GRIK2: variants seen among roughly 807,000 people sequenced by gnomAD.
The protein encoded by GRIK2 is glutamate ionotropic receptor kainate type subunit 2.
GRIK2 carries 32 observed loss-of-function variants against 100.3 expected under a neutral mutation model. The observed-to-expected ratio is 0.32, with a 90% CI of 0.24 to 0.43. GRIK2 has a LOEUF of 0.43. GRIK2 is among the 20% of genes least tolerant of loss of function. GRIK2 has a pLI of 1.00. For synonymous variants in GRIK2, 417 were observed against 389.4 expected, an observed-to-expected ratio of 1.07 and a Z score of -0.83; for missense variants, 843 against 1,114.9, an observed-to-expected ratio of 0.76 and a Z score of 3.47.
chr6:101,923,927 A>C (rs1350732539), intron 12 of GRIK2, among the ~76,000 whole-genome samples: 35 of 146,528 alleles, frequency 2.4e-4, no homozygotes, highest in African/African-American at 8.7e-4. Flanking sequence ...TCTGTCTCCA[A>C]AAAAAAAAAA....
chr6:102,055,189 C>T, intron 15 of GRIK2, 141 bp from the exon 16 acceptor site: 3 of 572,872 alleles, frequency 5.2e-6, no homozygotes, highest in South Asian at 2.5e-5. Context: ...TGTGTTTTTT[C>T]CAGTTGTTTT....
At chr6:101,400,090 C>T (rs1430366114) in intron 2 of GRIK2, among the ~76,000 whole-genome samples, 1 of 152,140 alleles carries the variant, frequency 6.6e-6, no homozygotes, top group Non-Finnish European at 1.5e-5. Context: ...GTCCCCCTCT[C>T]ACAGCTTTCT....
At chr6:102,054,455 T>C (rs529106451) in intron 15 of GRIK2, among the ~76,000 whole-genome samples, 1 of 152,092 alleles carries the variant, frequency 6.6e-6, no homozygotes, top group Admixed American at 6.6e-5. Flanking sequence ...TATTTCTGGG[T>C]GGGGGAAAGG....
intron 2 of GRIK2, among the ~76,000 whole-genome samples, chr6:101,414,890 A>G (rs1776048638): frequency 2.6e-5 from 4 of 152,222 alleles, no homozygotes; most frequent in Middle Eastern, 3.4e-3. Flanking sequence ...AGTCTCTGCC[A>G]CAAGCATCTG....
rs373948090 is a variant in GRIK2, at chr6:101,855,209, G to C, written c.1318-4078G>C. On this transcript the variant is annotated intron_variant, in intron 10 of 16. Coordinates refer to ENST00000369134, the MANE Select transcript of GRIK2 (RefSeq NM_021956.5). ...TTTATTCATTTAACACATGTGCCTT[G>C]AGCACCAACGGCTTGCCAGTCATTT... Among the ~76,000 whole-genome samples, 32 of 152,252 alleles carry C rather than the reference G, an allele frequency of 2.1e-4. No homozygotes were observed. The South Asian group carries it at 2.3e-3, about 11-fold the overall frequency.
intron 7 of GRIK2, among the ~76,000 whole-genome samples, chr6:101,734,961 T>C (rs995801389): frequency 6.6e-6 from 1 of 152,010 alleles, no homozygotes; most frequent in African/African-American, 2.4e-5. Flanking sequence ...AGTTTTGAAA[T>C]ATAGTGAGAG....
chr6:101,650,227 G>A (rs1339598221), intron 4 of GRIK2, among the ~76,000 whole-genome samples: 1 of 152,048 alleles, frequency 6.6e-6, no homozygotes, highest in Non-Finnish European at 1.5e-5. Context: ...GGAAACATTG[G>A]AAACCAATTA....
chr6:101,637,546 T>G (rs1241010288), intron 4 of GRIK2, among the ~76,000 whole-genome samples: 3 of 152,152 alleles, frequency 2.0e-5, no homozygotes. Context: ...CCTGTCTTAG[T>G]TAATATCATT....
intron 10 of GRIK2, among the ~76,000 whole-genome samples, chr6:101,855,809 G>A (rs1036016392): frequency 6.6e-5 from 5 of 76,276 alleles, no homozygotes; most frequent in African/African-American, 2.7e-4. Flanking sequence ...ACGACTTTCT[G>A]GGGAGAATGG....
At chr6:101,613,906 G>T (rs1779788227) in intron 2 of GRIK2, among the ~76,000 whole-genome samples, 1 of 151,746 alleles carries the variant, frequency 6.6e-6, no homozygotes, top group Admixed American at 6.6e-5. Context: ...TCATGTTTAA[G>T]TTGGGATTAA....
intron 7 of GRIK2, among the ~76,000 whole-genome samples, chr6:101,786,059 T>A (rs534039196): frequency 9.9e-5 from 15 of 152,224 alleles, no homozygotes; most frequent in African/African-American, 3.6e-4. Flanking sequence ...TCCTAAGGTT[T>A]TTTACTTTTT....
chr6:102,065,848 T>A (rs1348364905), intron 16 of GRIK2: 1 of 1,493,252 alleles, frequency 6.7e-7, no homozygotes, highest in Middle Eastern at 1.7e-4. Context: ...TATTTTGGAG[T>A]CAGTTTCCAT....
At chr6:101,748,630 T>A (rs1776594371) in intron 7 of GRIK2, among the ~76,000 whole-genome samples, 3 of 152,098 alleles carry the variant, frequency 2.0e-5, no homozygotes, top group African/African-American at 7.2e-5. Context: ...CTTATTGATT[T>A]ATGTATCACC....
chr6:101,762,408 A>G (rs1378039144), intron 7 of GRIK2, among the ~76,000 whole-genome samples: 1 of 151,970 alleles, frequency 6.6e-6, no homozygotes, highest in Non-Finnish European at 1.5e-5. Flanking sequence ...GTTTCAAACA[A>G]TCCTGCCTGA....
intron 10 of GRIK2, among the ~76,000 whole-genome samples, chr6:101,846,062 A>G (rs1783793892): frequency 6.6e-6 from 1 of 151,898 alleles, no homozygotes; most frequent in Non-Finnish European, 1.5e-5. Context: ...GAATAGTAGA[A>G]TATTATCAGT....
chr6:101,637,153 A>C (rs182179345), intron 4 of GRIK2, among the ~76,000 whole-genome samples: 19 of 151,766 alleles, frequency 1.3e-4, no homozygotes, highest in African/African-American at 4.6e-4. Context: ...TTTTATTCCC[A>C]GTCTTGTTTT....
At chr6:101,445,219 A>G (rs764930413) in intron 2 of GRIK2, among the ~76,000 whole-genome samples, 1 of 152,060 alleles carries the variant, frequency 6.6e-6, no homozygotes, top group Non-Finnish European at 1.5e-5. Context: ...CTTAGTACTC[A>G]TATTGATGAC....
At chr6:101,674,170 G>A (rs934193727) in intron 4 of GRIK2, among the ~76,000 whole-genome samples, 4 of 152,064 alleles carry the variant, frequency 2.6e-5, no homozygotes, top group Non-Finnish European at 4.4e-5. Context: ...ACTGGCTCTC[G>A]TATGACACCT....
chr6:101,702,157 T>G (rs1276934398), intron 7 of GRIK2, among the ~76,000 whole-genome samples: 1 of 152,054 alleles, frequency 6.6e-6, no homozygotes, highest in East Asian at 1.9e-4. Context: ...AAGCATAACA[T>G]TGTTTCTATG....
Sources: gnomAD v4.1 joint callset for allele counts (sites outside exome capture counted in the v4.1 genomes callset) on GRCh38, gnomAD v4.1.1 for gene constraint, MANE v1.5 for transcripts, NCBI Gene and HGNC (gene_info 2026-07-23, HGNC 2026-07-21) for gene names.